Variants in NRXN3 observed in about 807,000 individuals in gnomAD.
The protein encoded by NRXN3 is neurexin 3, also known as neurexin III.
NRXN3 carries 32 observed loss-of-function variants against 137.6 expected under a neutral mutation model. The ratio of observed to expected loss-of-function variants is 0.23; its 90% confidence interval spans 0.18 to 0.31. NRXN3 has a LOEUF of 0.31. Ranked by LOEUF, NRXN3 falls within the 10% of genes least tolerant of loss-of-function variation. NRXN3 has a pLI of 1.00. For missense variants in NRXN3, 1,574 were observed against 2,062.5 expected (o/e 0.76, Z 4.59); for synonymous variants, 798 against 784.5 (o/e 1.02, Z -0.29).
At chr14:79,609,555 T>C (rs909417900) in intron 16 of NRXN3, among the ~76,000 whole-genome samples, 1 of 152,200 alleles carries the variant, frequency 6.6e-6, no homozygotes, top group African/African-American at 2.4e-5. Flanking sequence ...ATAACACTCA[T>C]TAGGGATTAT....
At chr14:78,826,367 A>G (rs2098966601) in intron 10 of NRXN3, among the ~76,000 whole-genome samples, 1 of 152,200 alleles carries the variant, frequency 6.6e-6, no homozygotes, top group Admixed American at 6.5e-5. Flanking sequence ...GAGGCAGAAA[A>G]GTGAATGAGG....
At chr14:79,433,517 TA>T (rs748336753) in intron 15 of NRXN3, among the ~76,000 whole-genome samples, 2 of 152,276 alleles carry the variant, frequency 1.3e-5, no homozygotes, top group East Asian at 3.9e-4. Flanking sequence ...ACTAGTTTTT[TA>T]AAAAAAATAC....
intron 16 of NRXN3, among the ~76,000 whole-genome samples, chr14:79,507,216 A>C (rs1291338397): frequency 6.6e-6 from 1 of 152,224 alleles, no homozygotes; most frequent in Non-Finnish European, 1.5e-5. Flanking sequence ...TAGGAAGAGA[A>C]GAATAGAACA....
At chr14:79,032,127 A>G (rs182554400) in intron 15 of NRXN3, among the ~76,000 whole-genome samples, 4 of 152,296 alleles carry the variant, frequency 2.6e-5, no homozygotes, top group Admixed American at 2.6e-4. Flanking sequence ...CCTTAATAAT[A>G]CACTATCAAA....
At chr14:78,699,027 A>G (rs964008070) in intron 6 of NRXN3, among the ~76,000 whole-genome samples, 1 of 151,922 alleles carries the variant, frequency 6.6e-6, no homozygotes, top group African/African-American at 2.4e-5. Context: ...TCCTGTAAGC[A>G]CGTACTTTGT....
At chr14:79,211,445 G>C (rs1386976480) in intron 15 of NRXN3, among the ~76,000 whole-genome samples, 1 of 152,130 alleles carries the variant, frequency 6.6e-6, no homozygotes, top group Admixed American at 6.6e-5. Flanking sequence ...CATCCCTACT[G>C]TGTACTAGGC....
intron 15 of NRXN3, among the ~76,000 whole-genome samples, chr14:79,432,026 A>G (rs1221190208): frequency 1.3e-5 from 2 of 152,114 alleles, no homozygotes; most frequent in African/African-American, 4.8e-5. Context: ...TGATCATATC[A>G]TTCCCAAGTA....
intron 15 of NRXN3, among the ~76,000 whole-genome samples, chr14:79,275,318 G>A (rs527828576): frequency 9.3e-5 from 14 of 149,772 alleles, no homozygotes; most frequent in Non-Finnish European, 1.8e-4. Flanking sequence ...TTCATATTTG[G>A]AAAAAAAAAG....
chr14:79,597,485 C>A (rs937949591), intron 16 of NRXN3, among the ~76,000 whole-genome samples: 1 of 152,076 alleles, frequency 6.6e-6, no homozygotes, highest in Non-Finnish European at 1.5e-5. Flanking sequence ...TTTTAGTATG[C>A]GAGTAATCAC....
At position 78,563,468 on chromosome 14, in the gene NRXN3, G is replaced by A. The variant is rs563316669; in HGVS notation, c.758-81652G>A. Among the ~76,000 whole-genome samples, 22 of 152,282 alleles carry A rather than the reference G, an allele frequency of 1.4e-4. No homozygotes were observed. In the South Asian group the frequency reaches 4.6e-3, roughly 32 times the overall value. On this transcript the variant is annotated intron_variant, in intron 4 of 20. Transcript: ENST00000335750. ...TCCTTATTCTGGTGTATGGGTGAAG[G>A]GAATAAGCAGTGAGTTAGCTCTTAC...
intron 4 of NRXN3, among the ~76,000 whole-genome samples, chr14:78,628,060 A>G (rs2097484258): frequency 6.6e-6 from 1 of 151,150 alleles, no homozygotes; most frequent in African/African-American, 2.4e-5. Context: ...ATACCATAGC[A>G]TTGCAGAGTT....
intron 8 of NRXN3, among the ~76,000 whole-genome samples, chr14:78,747,798 C>T (rs1007497345): frequency 3.3e-5 from 5 of 152,156 alleles, no homozygotes; most frequent in African/African-American, 1.2e-4. Context: ...CAATTTTGCC[C>T]TTCTGCTCAA....
chr14:78,439,957 G>A (rs1348659732), intron 4 of NRXN3, among the ~76,000 whole-genome samples: 1 of 152,122 alleles, frequency 6.6e-6, no homozygotes, highest in Non-Finnish European at 1.5e-5. Context: ...CAGGAAGGTG[G>A]CCTGGCACCT....
chr14:78,978,364 T>C (rs189645874), intron 14 of NRXN3, among the ~76,000 whole-genome samples: 1 of 152,200 alleles, frequency 6.6e-6, no homozygotes, highest in Non-Finnish European at 1.5e-5. Flanking sequence ...CCTTATGTTC[T>C]ATAAAATGTG....
chr14:78,421,001 A>G (rs1251821056), intron 4 of NRXN3, among the ~76,000 whole-genome samples: 3 of 152,246 alleles, frequency 2.0e-5, no homozygotes, highest in African/African-American at 2.4e-5. Context: ...CACTGCCCTC[A>G]TCGACATTTC....
At chr14:78,917,665 T>G (rs895460628) in intron 10 of NRXN3, among the ~76,000 whole-genome samples, 7 of 151,970 alleles carry the variant, frequency 4.6e-5, no homozygotes, top group Non-Finnish European at 8.8e-5. Context: ...AGTGGAGTGG[T>G]AGGATCCTGA....
intron 4 of NRXN3, among the ~76,000 whole-genome samples, chr14:78,346,717 C>T (rs1437790529): frequency 6.6e-6 from 1 of 152,172 alleles, no homozygotes; most frequent in Admixed American, 6.5e-5. Context: ...CCCAAACCAC[C>T]TAACCCACCA....
intron 4 of NRXN3, among the ~76,000 whole-genome samples, chr14:78,519,429 C>T (rs756763705): frequency 6.6e-6 from 1 of 152,036 alleles, no homozygotes; most frequent in African/African-American, 2.4e-5. Context: ...ACATTCTCTG[C>T]GTGTTTATTT....
chr14:79,731,840 T>C (rs2098924614), intron 19 of NRXN3, among the ~76,000 whole-genome samples: 1 of 151,848 alleles, frequency 6.6e-6, no homozygotes, highest in East Asian at 1.9e-4. Context: ...TTTTTAATTT[T>C]TTTTTTGGTT....
Sources: gnomAD v4.1 joint callset for allele counts (sites outside exome capture counted in the v4.1 genomes callset) on GRCh38, gnomAD v4.1.1 for gene constraint, MANE v1.5 for transcripts, NCBI Gene and HGNC (gene_info 2026-07-23, HGNC 2026-07-21) for gene names.